RPAP3: variants seen among roughly 807,000 people sequenced by gnomAD.
RPAP3 encodes RNA polymerase II associated protein 3, also known as RNA polymerase II-associated protein 3.
A neutral mutation model predicts 88.8 loss-of-function variants in RPAP3; 58 were observed. That is an observed-to-expected ratio of 0.65 (90% CI 0.53 to 0.81). The LOEUF is 0.81. RPAP3 is among the 40% of genes least tolerant of loss of function. The pLI, the probability that RPAP3 is intolerant of heterozygous loss-of-function variation, is 0.00. For synonymous variants in RPAP3, 255 were observed against 259.9 expected (o/e 0.98, Z 0.18); for missense variants, 751 against 764.3 (o/e 0.98, Z 0.20).
intron 9 of RPAP3, among the ~76,000 whole-genome samples, chr12:47,684,619 G>T (rs1369744502): frequency 6.6e-6 from 1 of 152,066 alleles, no homozygotes; most frequent in African/African-American, 2.4e-5. Flanking sequence ...TGCTAACTTG[G>T]TATAATATAT....
At chr12:47,668,737 G>T (rs1166246937) in intron 14 of RPAP3, among the ~76,000 whole-genome samples, 179 bp downstream of exon 14, 2 of 152,156 alleles carry the variant, frequency 1.3e-5, no homozygotes, top group Non-Finnish European at 2.9e-5. Context: ...ATTGCCAAAG[G>T]AGAACATCAA....
At chr12:47,686,726 C>G in intron 9 of RPAP3, 54 bp downstream of exon 9, 1 of 1,333,658 alleles carries the variant, frequency 7.5e-7, no homozygotes, top group Non-Finnish European at 9.8e-7. Flanking sequence ...AAAAATTTAC[C>G]AATTTATTGT....
intron 10 of RPAP3, 68 bp downstream of exon 10, chr12:47,681,628 T>C (rs1006504952): frequency 7.9e-6 from 12 of 1,519,618 alleles, no homozygotes; most frequent in Admixed American, 3.9e-5. Flanking sequence ...GTAAGCTACA[T>C]GAATCTCTGC....
rs140369801 is a variant in RPAP3, at chr12:47,697,681, G to C, written c.333C>G (p.Thr111=). Residue 111 remains threonine, a synonymous_variant, in exon 4 of 17, where the codon ACC becomes ACG. Coordinates refer to ENST00000005386, the MANE Select transcript of RPAP3 (RefSeq NM_024604.3). ...ILDELDKDDS[T]HESLSQESES... ...CTGATTCTTGAGACAGAGACTCATG[G>C]GTACTATCGTCTTTGTCAAGCTCAT... is the stretch of plus-strand genomic sequence containing the variant. 22 of 1,606,720 alleles carry C rather than the reference G, an allele frequency of 1.4e-5. No homozygotes were observed. The African/African-American group carries it at 3.0e-4, about 22-fold the overall frequency.
At chr12:47,685,205 C>T (rs1057087848) in intron 9 of RPAP3, among the ~76,000 whole-genome samples, 2 of 152,022 alleles carry the variant, frequency 1.3e-5, no homozygotes, top group African/African-American at 2.4e-5. Flanking sequence ...ATGGCAAAAC[C>T]CCATCTCTAC....
At chr12:47,670,800 G>A (rs955114889) in intron 12 of RPAP3, among the ~76,000 whole-genome samples, 4 of 152,192 alleles carry the variant, frequency 2.6e-5, no homozygotes, top group African/African-American at 9.7e-5. Flanking sequence ...GACAGCTTAT[G>A]AAGGGACTTG....
At chr12:47,672,440 T>A (rs1234934940) in intron 12 of RPAP3, among the ~76,000 whole-genome samples, 2 of 152,198 alleles carry the variant, frequency 1.3e-5, no homozygotes, top group East Asian at 3.8e-4. Flanking sequence ...GCCTCAGCAT[T>A]TATGCACATT....
Position 47,689,735 on chromosome 12 carries a change from T to C in RPAP3, c.668-540A>G, listed in dbSNP as rs138230707. Among the ~76,000 whole-genome samples, 59 of 152,216 alleles carry C rather than the reference T, an allele frequency of 3.9e-4. 1 individual carries two copies. Among genetic ancestry groups the C allele is most frequent in the Non-Finnish European group, 3.7e-4 (25 of 68,008 alleles). ...CAGGAAGGATACCTGCTATCATAAG[T>C]TGTATATCATAAAACCAAGAAGCAG... is the stretch of plus-strand genomic sequence containing the variant. On this transcript the variant is annotated intron_variant, in intron 6 of 16. Coordinates refer to ENST00000005386, the MANE Select transcript of RPAP3 (RefSeq NM_024604.3).
intron 13 of RPAP3, among the ~76,000 whole-genome samples, chr12:47,669,879 C>A (rs183124007): frequency 2.6e-5 from 4 of 152,036 alleles, no homozygotes; most frequent in African/African-American, 9.6e-5. Context: ...TTTCAAGATA[C>A]CTTCTTATCT....
chr12:47,691,565 C>A (rs983643752), intron 5 of RPAP3, among the ~76,000 whole-genome samples: 4 of 152,106 alleles, frequency 2.6e-5, no homozygotes, highest in African/African-American at 9.7e-5. Context: ...ACAGCTATAG[C>A]CTGTGAAATG....
chr12:47,682,914 C>T (rs34657803), intron 9 of RPAP3, among the ~76,000 whole-genome samples: 6,005 of 152,102 alleles, frequency 0.039, 168 homozygotes, highest in Non-Finnish European at 0.061. Context: ...CCTGCATGGC[C>T]CCCATACTTT....
intron 10 of RPAP3, among the ~76,000 whole-genome samples, chr12:47,680,349 T>C (rs930360852): frequency 6.6e-6 from 1 of 152,096 alleles, no homozygotes; most frequent in Non-Finnish European, 1.5e-5. Flanking sequence ...TAGAATGGGA[T>C]GATGACAAAG....
chr12:47,669,786 C>T (rs1442028694), intron 13 of RPAP3, among the ~76,000 whole-genome samples: 2 of 152,028 alleles, frequency 1.3e-5, no homozygotes, highest in African/African-American at 4.8e-5. Context: ...TTTTATGAAG[C>T]TTCCTTTTAA....
chr12:47,666,488 C>T (rs1436904384), intron 16 of RPAP3, among the ~76,000 whole-genome samples: 1 of 152,200 alleles, frequency 6.6e-6, no homozygotes, highest in Admixed American at 6.5e-5. Context: ...AAATCAAACT[C>T]AAGGAAATTA....
rs761533418 is a variant in RPAP3, at chr12:47,667,083, G to C, written c.1812-3C>G. 3 of 1,329,172 alleles carry C rather than the reference G, an allele frequency of 2.3e-6. No homozygotes were observed. Among genetic ancestry groups the C allele is most frequent in the Middle Eastern group, 1.9e-4 (1 of 5,244 alleles). 82.3% of individuals were successfully genotyped at this position (1,329,172 alleles called of 1,614,324 possible). A position where few individuals can be genotyped will look rare whatever the true frequency, so the allele number is the denominator to read the frequency against. On this transcript the variant is annotated splice_region_variant and splice_polypyrimidine_tract_variant and intron_variant, in intron 15 of 16. Transcript: ENST00000005386. ...AGATGAGTAATGGCTTTTCTTTCCT[G>C]AAATAATCCAAATATAGAAACAAAT...
Position 47,667,860 on chromosome 12 carries a change from A to G in RPAP3, c.1714-9T>C. ...AAAGATGGTTCAATTTGCTTGAAAAAAAAATAAAAAGACAATTACTTGATG... is the reference window on the plus strand; with the variant it reads ...AAAGATGGTTCAATTTGCTTGAAAAGAAAATAAAAAGACAATTACTTGATG... On this transcript the variant is annotated splice_polypyrimidine_tract_variant and intron_variant, in intron 14 of 16. Coordinates refer to ENST00000005386, the MANE Select transcript of RPAP3 (RefSeq NM_024604.3). 1 of 1,547,164 alleles carries G rather than the reference A, an allele frequency of 6.5e-7. No homozygotes were observed. Among genetic ancestry groups the G allele is most frequent in the Non-Finnish European group, 8.9e-7 (1 of 1,128,358 alleles).
At chr12:47,704,900 C>A (rs780755994) in intron 1 of RPAP3, among the ~76,000 whole-genome samples, 4 of 151,570 alleles carry the variant, frequency 2.6e-5, no homozygotes, top group Non-Finnish European at 5.9e-5. Context: ...ATAGTTCCAG[C>A]TACTCAGGAG....
In RPAP3 at chr12:47,702,827, T is replaced by C; in HGVS notation, c.14A>G (p.Asn5Ser). Reference protein sequence around the residue: MTSANKAIELQLQVK... With the variant: MTSASKAIELQLQVK... ...TTGTAGTTGTAATTCGATTGCTTTA[T>C]TTGCTGAAGTCATTATGGTCTGCAG... Residue 5 changes from asparagine (N) to serine (S), a missense_variant, in exon 2 of 17, where the codon AAT becomes AGT. Physicochemically the swap from Asn to Ser is conservative, Grantham distance 46. Coordinates refer to ENST00000005386, the MANE Select transcript of RPAP3 (RefSeq NM_024604.3). The C allele has an allele frequency of 1.9e-6, 3 of 1,613,224 alleles. No individual in the cohort carries two copies. The highest frequency in any genetic ancestry group is 2.5e-6 in the Non-Finnish European group (3 of 1,179,678).
At chr12:47,686,529 AACACACACATACACATAC>A (rs1939324243) in intron 9 of RPAP3, among the ~76,000 whole-genome samples, 5 of 94,616 alleles carry the variant, frequency 5.3e-5, no homozygotes. Context: ...CAGGTACATA[AACACACACATACACATAC>A]ACACACACAC....
Sources: gnomAD v4.1 joint callset for allele counts (sites outside exome capture counted in the v4.1 genomes callset) on GRCh38, gnomAD v4.1.1 for gene constraint, MANE v1.5 for transcripts, NCBI Gene and HGNC (gene_info 2026-07-23, HGNC 2026-07-21) for gene names.